PCDHGA4: variants seen among roughly 807,000 people sequenced by gnomAD.
PCDHGA4 encodes protocadherin gamma subfamily A, 4.
In PCDHGA4, 38 loss-of-function variants were observed where a neutral mutation model predicts 54.6. That is an observed-to-expected ratio of 0.70 (90% confidence interval 0.54 to 0.91). The LOEUF is 0.91. Among genes scored for constraint, PCDHGA4 ranks in the 40% least tolerant of loss-of-function variants. The pLI is 0.00. For synonymous variants in PCDHGA4, 511 were observed against 512.9 expected, an observed-to-expected ratio of 1.00 and a Z score of 0.05; for missense variants, 1,298 against 1,220.9, an observed-to-expected ratio of 1.06 and a Z score of -0.94.
At chr5:141,433,060 C>T in intron 1 of PCDHGA4, 1 of 1,614,198 alleles carries the variant, frequency 6.2e-7, no homozygotes, top group Non-Finnish European at 8.5e-7. Flanking sequence ...GGAAGAGTCA[C>T]CTGATCTTCC....
At chr5:141,423,318 G>T (rs1165459779) in intron 1 of PCDHGA4, 17 of 1,614,006 alleles carry the variant, frequency 1.1e-5, no homozygotes, top group South Asian at 8.8e-5. Context: ...TGGTGGTGGC[G>T]GTGGCCGCAG....
chr5:141,372,325 T>A (rs1459758319), intron 1 of PCDHGA4: 1 of 1,613,556 alleles, frequency 6.2e-7, no homozygotes. Flanking sequence ...CGCCTGCTGG[T>A]CACTGTGCGT....
intron 1 of PCDHGA4, among the ~76,000 whole-genome samples, chr5:141,455,844 T>TA (rs2098833146): frequency 6.6e-6 from 1 of 150,818 alleles, no homozygotes; most frequent in Non-Finnish European, 1.5e-5. Flanking sequence ...TCTATCTGCA[T>TA]AAAATAATTT....
At chr5:141,413,219 G>C in intron 1 of PCDHGA4, 1 of 1,613,506 alleles carries the variant, frequency 6.2e-7, no homozygotes, top group Non-Finnish European at 8.5e-7. Context: ...AAGGATTGCA[G>C]CGGGCTGGTC....
chr5:141,380,445 T>C (rs1249653673), intron 1 of PCDHGA4, among the ~76,000 whole-genome samples: 1 of 152,242 alleles, frequency 6.6e-6, no homozygotes, highest in African/African-American at 2.4e-5. Flanking sequence ...AGAATTCTTT[T>C]TAATGCAACC....
chr5:141,357,630 A>G lies in PCDHGA4; in HGVS notation c.2514+9A>G, dbSNP rs144995438. On this transcript the variant is annotated intron_variant, in intron 1 of 3. Coordinates refer to ENST00000571252, the MANE Select transcript of PCDHGA4 (RefSeq NM_018917.4). Reference sequence around the variant, plus strand: ...GAGACCCTAATCTTCAGGTGAGTCAATCTTATAATAGATCATACCACACTG... The same window carrying G: ...GAGACCCTAATCTTCAGGTGAGTCAGTCTTATAATAGATCATACCACACTG... 2.5e-6 allele frequency: 4 copies of G among 1,613,314 alleles called. No individual in the cohort carries two copies. The highest frequency in any genetic ancestry group is 2.7e-5 in the African/African-American group (2 of 75,064).
At chr5:141,422,665 C>T in intron 1 of PCDHGA4, 2 of 1,608,390 alleles carry the variant, frequency 1.2e-6, no homozygotes, top group Non-Finnish European at 8.5e-7. Context: ...CGCCCTCGAC[C>T]CGGACAGCAA....
intron 1 of PCDHGA4, chr5:141,430,960 C>T (rs2097330619): frequency 6.2e-7 from 1 of 1,612,432 alleles, no homozygotes; most frequent in Non-Finnish European, 8.5e-7. Context: ...TCCGCATCAT[C>T]CCCAGAGGTA....
intron 1 of PCDHGA4, chr5:141,394,693 G>T (rs1310404999): frequency 1.2e-6 from 2 of 1,612,890 alleles, no homozygotes; most frequent in African/African-American, 1.3e-5. Context: ...GGCGAGGTGC[G>T]CACGGCGCGA....
chr5:141,503,221 C>T (rs528636727), intron 2 of PCDHGA4, among the ~76,000 whole-genome samples: 34 of 152,074 alleles, frequency 2.2e-4, no homozygotes, highest in Middle Eastern at 6.8e-3. Flanking sequence ...CCATGAGCAC[C>T]GTAAAGATGG....
intron 1 of PCDHGA4, chr5:141,384,037 G>T (rs759701397): frequency 6.2e-7 from 1 of 1,613,004 alleles, no homozygotes; most frequent in Admixed American, 1.7e-5. Context: ...TGGAAAGAAT[G>T]GTGAGGTGAC....
At chr5:141,502,035 G>C (rs1371892057) in intron 2 of PCDHGA4, among the ~76,000 whole-genome samples, 1 of 152,078 alleles carries the variant, frequency 6.6e-6, no homozygotes, top group Non-Finnish European at 1.5e-5. Context: ...CCCGCCGCTT[G>C]CCTGCTCTCC....
At chr5:141,425,248 G>GGCTGGGAAA (rs2096864506) in intron 1 of PCDHGA4, among the ~76,000 whole-genome samples, 1 of 152,178 alleles carries the variant, frequency 6.6e-6, no homozygotes, top group Non-Finnish European at 1.5e-5. Context: ...AAAAGGATAT[G>GGCTGGGAAA]AGGTATTTGG....
Position 141,418,952 on chromosome 5 carries a change from G to C in PCDHGA4, c.2514+61331G>C, listed in dbSNP as rs1377467334. On this transcript the variant is annotated intron_variant, in intron 1 of 3. Coordinates refer to ENST00000571252, the MANE Select transcript of PCDHGA4 (RefSeq NM_018917.4). ...TATGGAGGATTCCCCTCCAGGAGTG[G>C]TTGTTGCCCTCTTCAAAACACGGGA... 4.3e-6 allele frequency: 7 copies of C among 1,613,932 alleles called. No individual in the cohort carries two copies. Among genetic ancestry groups the C allele is most frequent in the Non-Finnish European group, 5.9e-6 (7 of 1,179,908 alleles).
rs748486683 is a variant in PCDHGA4, at chr5:141,374,702, G to A, written c.2514+17081G>A. 8 of 1,609,096 alleles carry A rather than the reference G, an allele frequency of 5.0e-6. No homozygotes were observed. In the Admixed American group the frequency reaches 5.1e-5, roughly 10 times the overall value. ...CACACTGGACCGGGAAGGAGAAGCCGTTTACCGCCTGGTCCTTACTGCCAT... is the reference window on the plus strand; with the variant it reads ...CACACTGGACCGGGAAGGAGAAGCCATTTACCGCCTGGTCCTTACTGCCAT... On this transcript the variant is annotated intron_variant, in intron 1 of 3. Transcript: ENST00000571252.
rs138641753 is a variant in PCDHGA4, at chr5:141,430,814, C to T, written c.2515-63993C>T. On this transcript the variant is annotated intron_variant, in intron 1 of 3. Transcript: ENST00000571252. ...CAAAGGGCTTGTCCTGCTGGGAATC[C>T]TCCTGGGGACTCTGTGGGAGACCGG... is the stretch of plus-strand genomic sequence containing the variant. 97 of 1,534,514 alleles carry T rather than the reference C, an allele frequency of 6.3e-5. No homozygotes were observed. The African/African-American group carries it at 1.1e-3, about 17-fold the overall frequency.
intron 1 of PCDHGA4, chr5:141,361,827 C>A: frequency 6.2e-7 from 1 of 1,612,982 alleles, no homozygotes. Flanking sequence ...GGGTGCTGTA[C>A]CCCGCGCTGG....
At chr5:141,494,733 C>G in intron 1 of PCDHGA4, 74 bp from the exon 2 acceptor site, 1 of 1,610,826 alleles carries the variant, frequency 6.2e-7, no homozygotes, top group South Asian at 1.1e-5. Flanking sequence ...CTCTCCCGGC[C>G]CATCCCTAGG....
rs767892593 is a variant in PCDHGA4, at chr5:141,400,152, T to C, written c.2514+42531T>C. 8 of 1,614,064 alleles carry C rather than the reference T, an allele frequency of 5.0e-6. 1 individual carries two copies. In the South Asian group the frequency reaches 6.6e-5, roughly 13 times the overall value. Reference sequence around the variant, plus strand: ...TGCTGCCGGATATCACTGACCGCCCTGTACCCTCTGACCCCCAGGCTGAGC... The same window carrying C: ...TGCTGCCGGATATCACTGACCGCCCCGTACCCTCTGACCCCCAGGCTGAGC... On this transcript the variant is annotated intron_variant, in intron 1 of 3. Transcript: ENST00000571252.
Sources: gnomAD v4.1 joint callset for allele counts (sites outside exome capture counted in the v4.1 genomes callset) on GRCh38, gnomAD v4.1.1 for gene constraint, MANE v1.5 for transcripts, NCBI Gene and HGNC (gene_info 2026-07-23, HGNC 2026-07-21) for gene names.